Variants in MINAR1 observed in about 807,000 individuals in gnomAD.
MINAR1 encodes the protein major intrinsically disordered Notch2-binding receptor 1.
Under a neutral mutation model 65.1 loss-of-function variants are expected in MINAR1, and 40 were observed. The observed-to-expected ratio is 0.61, with a 90% CI of 0.48 to 0.80. The LOEUF (loss-of-function observed/expected upper bound fraction) is 0.80, where lower values mean the gene tolerates loss of function less well. MINAR1 is among the 30% of genes least tolerant of loss of function. MINAR1 has a pLI of 0.00. For missense variants in MINAR1, 1,128 were observed against 1,148.0 expected, an observed-to-expected ratio of 0.98 and a Z score of 0.25; for synonymous variants, 482 against 449.1, an observed-to-expected ratio of 1.07 and a Z score of -0.93.
rs1595959267 is a variant in MINAR1, at chr15:79,468,383, G to A, written c.2750G>A (p.Ter917=). 6.2e-7 allele frequency: 1 copy of A among 1,613,658 alleles called. No individual in the cohort carries two copies. Among genetic ancestry groups the A allele is most frequent in the Non-Finnish European group, 8.5e-7 (1 of 1,179,834 alleles). Residue 917 remains the stop codon, a stop_retained_variant, in exon 4 of 4, where the codon TGA becomes TAA. Transcript: ENST00000305428. ...GTGCCCATCTGCACAATGAAATCAT[G>A]AGCTAAGAATGCAACCTTACGTACA... The part of the protein sequence containing the change: ...IVVPICTMKS[*]
chr15:79,449,640 A>G lies in MINAR1; in HGVS notation c.-50-6458A>G, dbSNP rs1025773295. The stretch of plus-strand genomic sequence containing the variant: ...TCACCTGGGATGGTTTTTAAAACCT[A>G]TTGAGACCTGGCCTCCCCTACCCTA... On this transcript the variant is annotated intron_variant, in intron 1 of 3. Transcript: ENST00000305428. Among the ~76,000 whole-genome samples the G allele has an allele frequency of 2.6e-5, 4 of 152,212 alleles. No homozygotes were observed. In the South Asian group the frequency reaches 6.2e-4, roughly 24 times the overall value.
At chr15:79,444,982 A>G (rs758724452) in intron 1 of MINAR1, among the ~76,000 whole-genome samples, 35 of 151,900 alleles carry the variant, frequency 2.3e-4, no homozygotes, top group Middle Eastern at 6.3e-3. Flanking sequence ...ATATGTTAAA[A>G]TCTCTATGCA....
chr15:79,417,604 G>A, the MINAR1 span: 2 of 152,172 alleles, frequency 1.3e-5, no homozygotes, highest in African/African-American at 4.8e-5. Context: ...CTTTTTATGA[G>A]GCTGCAGCAG....
At chr15:79,427,364 A>G (rs1894338764), upstream of MINAR1, 1 of 152,184 alleles carries the variant, frequency 6.6e-6, no homozygotes, top group African/African-American at 2.4e-5. Context: ...AACCCTCATG[A>G]CACGAGTTTA....
rs1895984031 is a variant in MINAR1, at chr15:79,469,183, C to T, written c.*799C>T. ...AAATCATGGCCACTCCAAAGGATCTCCTGTTCTTGCTTTGGTGTGTGGCTC... is the reference window on the plus strand; with the variant it reads ...AAATCATGGCCACTCCAAAGGATCTTCTGTTCTTGCTTTGGTGTGTGGCTC... On this transcript the variant is annotated 3_prime_UTR_variant, in exon 4 of 4. Coordinates refer to ENST00000305428, the MANE Select transcript of MINAR1 (RefSeq NM_015206.3). The T allele has an allele frequency of 6.6e-6, 1 of 152,634 alleles. No homozygotes were observed. Among genetic ancestry groups the T allele is most frequent in the Non-Finnish European group, 1.5e-5 (1 of 68,044 alleles). 9.5% of individuals were successfully genotyped at this position (152,634 alleles called of 1,614,324 possible).
intron 3 of MINAR1, among the ~76,000 whole-genome samples, chr15:79,464,889 T>G (rs1162266245): frequency 1.5e-5 from 2 of 130,316 alleles, no homozygotes; most frequent in African/African-American, 6.3e-5. Context: ...CGGTGGAATA[T>G]TTCATGATTC....
chr15:79,455,213 C>T (rs1895371390), intron 1 of MINAR1, among the ~76,000 whole-genome samples: 1 of 152,066 alleles, frequency 6.6e-6, no homozygotes, highest in South Asian at 2.1e-4. Flanking sequence ...GAAAAAAATC[C>T]ATATTTACAA....
In MINAR1 at chr15:79,457,080, G is replaced by A. The variant is rs1215430633; in HGVS notation, c.933G>A (p.Gln311=). The A allele has an allele frequency of 2.5e-6, 4 of 1,614,158 alleles. No individual in the cohort carries two copies. The highest frequency in any genetic ancestry group is 1.7e-5 in the Admixed American group (1 of 60,018). The change falls in exon 2 of 4, where the codon CAG becomes CAA. Residue 311 remains glutamine, a synonymous_variant. Transcript: ENST00000305428. ...GCTTTGAAATGCCCTATAACAGCCA[G>A]TACCTGAATCCAGTGTATTCCCCGG... ...NHSFEMPYNS[Q]YLNPVYSPVP... is the part of the protein sequence containing the mutation.
At chr15:79,451,885 C>T (rs567773328) in intron 1 of MINAR1, among the ~76,000 whole-genome samples, 1 of 152,228 alleles carries the variant, frequency 6.6e-6, no homozygotes, top group East Asian at 1.9e-4. Flanking sequence ...GCTGCTTAGC[C>T]CCCAAAATAT....
the MINAR1 span, chr15:79,412,878 T>A: frequency 6.6e-6 from 1 of 152,274 alleles, no homozygotes; most frequent in Non-Finnish European, 1.5e-5. Flanking sequence ...GTTCCTAACC[T>A]TGAGGAGCCA....
At chr15:79,453,619 G>A (rs1039990401) in intron 1 of MINAR1, among the ~76,000 whole-genome samples, 2 of 152,152 alleles carry the variant, frequency 1.3e-5, no homozygotes, top group Admixed American at 1.3e-4. Flanking sequence ...TTGGTGCATT[G>A]TAGGAAATCT....
intron 1 of MINAR1, among the ~76,000 whole-genome samples, chr15:79,449,924 C>T (rs12898556): frequency 0.38 from 57,034 of 151,892 alleles, 11,498 homozygotes; most frequent in Middle Eastern, 0.48. Context: ...TCAAACACTC[C>T]CCTCCTCTTT....
intron 1 of MINAR1, among the ~76,000 whole-genome samples, chr15:79,449,334 A>G (rs1895116297): frequency 6.6e-6 from 1 of 152,164 alleles, no homozygotes; most frequent in Non-Finnish European, 1.5e-5. Flanking sequence ...CCCAGCCCAG[A>G]GTTTAGTGTA....
rs368681395 is a variant in MINAR1, at chr15:79,463,354, C to A, written c.2553+33C>A. The A allele has an allele frequency of 1.9e-6, 3 of 1,602,670 alleles. No homozygotes were observed. The Admixed American group carries it at 5.0e-5, about 27-fold the overall frequency. On this transcript the variant is annotated intron_variant, in intron 3 of 3. Coordinates refer to ENST00000305428, the MANE Select transcript of MINAR1 (RefSeq NM_015206.3). ...TCTCACTGTCCCTGGGTGGGGGAAGCCCAGCTGTGCCCTGGCAAATGCCCT... is the reference window on the plus strand; with the variant it reads ...TCTCACTGTCCCTGGGTGGGGGAAGACCAGCTGTGCCCTGGCAAATGCCCT...
intron 3 of MINAR1, among the ~76,000 whole-genome samples, chr15:79,464,919 C>A (rs911407738): frequency 6.6e-6 from 1 of 150,610 alleles, no homozygotes; most frequent in African/African-American, 2.5e-5. Flanking sequence ...TGGAATATTT[C>A]ATCAGTATCA....
upstream of MINAR1, among the ~76,000 whole-genome samples, chr15:79,428,377 TTCCCTCCCTCCTCTCCCTCTCTCCC>T (rs1432256838): frequency 2.0e-5 from 2 of 98,218 alleles, no homozygotes; most frequent in Admixed American, 1.1e-4. Context: ...TTTCTTCCCC[TTCCCTCCCTCCTCTCCCTCTCTCCC>T]TCCCTCCCTC....
At chr15:79,441,163 CTTCT>C (rs1268041639) in intron 1 of MINAR1, among the ~76,000 whole-genome samples, 1 of 152,074 alleles carries the variant, frequency 6.6e-6, no homozygotes, top group Non-Finnish European at 1.5e-5. Context: ...CAAATCCTTT[CTTCT>C]TTATTTTTTA....
the MINAR1 span, chr15:79,412,113 C>T: frequency 1.3e-5 from 2 of 149,988 alleles, no homozygotes; most frequent in African/African-American, 4.9e-5. Context: ...GCCCCCAGGG[C>T]TACCCAAAGC....
intron 1 of MINAR1, among the ~76,000 whole-genome samples, chr15:79,452,828 AGT>A (rs2141289725): frequency 7.8e-6 from 1 of 127,950 alleles, no homozygotes; most frequent in South Asian, 2.6e-4. Flanking sequence ...TGAAGCTGTC[AGT>A]GTGTCTGCAT....
Sources: allele counts gnomAD v4.1 joint callset (sites outside exome capture counted in the v4.1 genomes callset), GRCh38; gene constraint gnomAD v4.1.1; transcripts MANE v1.5; gene names NCBI Gene and HGNC (gene_info 2026-07-23, HGNC 2026-07-21).